Variants in UHRF1 observed in about 807,000 individuals in gnomAD.
UHRF1 encodes the protein ubiquitin like with PHD and ring finger domains 1, also known as E3 ubiquitin-protein ligase UHRF1.
UHRF1 carries 9 observed loss-of-function variants against 96.5 expected under a neutral mutation model. The observed-to-expected ratio is 0.09, with a 90% CI of 0.06 to 0.16. The LOEUF is 0.16. Among genes scored for constraint, UHRF1 ranks in the 10% least tolerant of loss-of-function variants. The probability of loss-of-function intolerance (pLI) is 1.00; values close to 1 mark genes in which losing one functional copy is unlikely to be tolerated. For synonymous variants in UHRF1, 455 were observed against 469.9 expected (o/e 0.97, Z 0.41); for missense variants, 626 against 1,131.1 (o/e 0.55, Z 6.40).
rs538840276 is a variant in UHRF1, at chr19:4,931,992, C to T, written c.570-749C>T. ...TTGTTGCCCAGGCTGGCGTCAATGG[C>T]GCGATCTCGGCTCACCGCAACCTCT... On this transcript the variant is annotated intron_variant, in intron 4 of 16. Transcript: ENST00000650932. Among the ~76,000 whole-genome samples, 13 of 152,242 alleles carry T rather than the reference C, an allele frequency of 8.5e-5. 1 individual carries two copies. Among genetic ancestry groups the T allele is most frequent in the South Asian group, 4.1e-4 (2 of 4,828 alleles).
exon 1 of UHRF1, chr19:4,903,591 C>T (rs573844036): frequency 6.6e-6 from 1 of 151,430 alleles, no homozygotes; most frequent in East Asian, 1.9e-4. Context: ...CAACCTCTGC[C>T]TCCTGGGTTC....
chr19:4,945,375 C>T (rs1413567365), intron 9 of UHRF1, among the ~76,000 whole-genome samples: 2 of 152,170 alleles, frequency 1.3e-5, no homozygotes, highest in African/African-American at 2.4e-5. Flanking sequence ...TCTCCTGCCT[C>T]AGCCTCCCCA....
intron 2 of UHRF1, among the ~76,000 whole-genome samples, chr19:4,926,305 C>G (rs372431116): frequency 6.6e-6 from 1 of 152,166 alleles, no homozygotes; most frequent in Admixed American, 6.6e-5. Flanking sequence ...CCTCTCCATC[C>G]GTGCCACCTC....
chr19:4,954,241 G>C lies in UHRF1; in HGVS notation c.1819-109G>C. The stretch of plus-strand genomic sequence containing the variant: ...CCCTGTGCTCTTCAGGGGGATTGGG[G>C]GTCAGGTGTGTCTGGAAACCCAGAC... On this transcript the variant is annotated intron_variant, in intron 13 of 16. Transcript: ENST00000650932. This position sits in a 1 kb window ranked among gnomAD's most constrained non-coding sequence, Gnocchi z 5.9. 6.6e-7 allele frequency: 1 copy of C among 1,504,826 alleles called. No homozygotes were observed. Among genetic ancestry groups the C allele is most frequent in the Non-Finnish European group, 9.0e-7 (1 of 1,114,612 alleles). 93.2% of individuals were successfully genotyped at this position (1,504,826 alleles called of 1,614,324 possible). A position where few individuals can be genotyped will look rare whatever the true frequency, so the allele number is the denominator to read the frequency against.
At position 4,930,640 on chromosome 19, in the gene UHRF1, T is replaced by C. The variant is rs2033017817; in HGVS notation, c.409-76T>C. The C allele has an allele frequency of 1.3e-6, 2 of 1,523,690 alleles. No individual in the cohort carries two copies. Among genetic ancestry groups the C allele is most frequent in the Admixed American group, 2.0e-5 (1 of 51,200 alleles). The allele number at this position is 1,523,690 out of a possible 1,614,324, so 94.4% of individuals were successfully genotyped here. On this transcript the variant is annotated intron_variant, in intron 3 of 16. Transcript: ENST00000650932. The surrounding 1 kb of genome is among the most constrained non-coding windows in gnomAD (Gnocchi z 4.4). ...GCGCCCTGGTTCCAGAGCATCCCAG[T>C]GTCCGAGAACCAAGGTGGTCTCCCG...
chr19:4,960,853 T>G lies in UHRF1; in HGVS notation c.*50T>G. The stretch of plus-strand genomic sequence containing the variant: ...TTTTGCTGAAAACGTGTCGGAGGGC[T>G]CGTTCATCGGCACTGATTTTGTTCT... On this transcript the variant is annotated 3_prime_UTR_variant, in exon 17 of 17. Transcript: ENST00000650932. The G allele has an allele frequency of 1.9e-6, 2 of 1,043,478 alleles. No homozygotes were observed. The allele number at this position is 1,043,478 out of a possible 1,614,324, so 64.6% of individuals were successfully genotyped here.
Position 4,961,868 on chromosome 19 carries a change from G to A in UHRF1, c.*1065G>A, listed in dbSNP as rs1009960966. The A allele has an allele frequency of 1.6e-5, 2 of 121,314 alleles. No homozygotes were observed. The highest frequency in any genetic ancestry group is 5.2e-5 in the African/African-American group (2 of 38,722). The allele number at this position is 121,314 out of a possible 1,614,324, so 7.5% of individuals were successfully genotyped here. ...GTACCAAGAAAGATATAACGTTAGG[G>A]TTTGGTTGTTTTTGTTTTTGTATTT... is the stretch of plus-strand genomic sequence containing the variant. On this transcript the variant is annotated 3_prime_UTR_variant, in exon 17 of 17. Transcript: ENST00000650932.
chr19:4,909,573 T>G lies in UHRF1; in HGVS notation c.-93T>G. The G allele has an allele frequency of 1.5e-6, 1 of 655,432 alleles. No individual in the cohort carries two copies. Among genetic ancestry groups the G allele is most frequent in the East Asian group, 3.2e-5 (1 of 30,824 alleles). The allele number at this position is 655,432 out of a possible 1,614,324, so 40.6% of individuals were successfully genotyped here. A position where few individuals can be genotyped will look rare whatever the true frequency, so the allele number is the denominator to read the frequency against. On this transcript the variant is annotated 5_prime_UTR_variant, in exon 1 of 17. Transcript: ENST00000650932. ...GGGTCGCACGCAAGTCCGCGCGGGG[T>G]CCGGGCCACGCACGCGGTTTCATCG...
chr19:4,910,894 C>A lies in UHRF1; in HGVS notation c.9C>A (p.Ile3=). Residue 3 remains isoleucine (I), a synonymous_variant, in exon 2 of 17, where the codon ATC becomes ATA. Transcript: ENST00000650932. ...CCCTCAGCGCCGACACCATGTGGATCCAGGTTCGGACCATGGACGGGAGGC... is the reference window on the plus strand; with the variant it reads ...CCCTCAGCGCCGACACCATGTGGATACAGGTTCGGACCATGGACGGGAGGC... MW[I]QVRTMDGRQT... 1 of 1,610,498 alleles carries A rather than the reference C, an allele frequency of 6.2e-7. No homozygotes were observed. The highest frequency in any genetic ancestry group is 8.5e-7 in the Non-Finnish European group (1 of 1,177,756).
chr19:4,939,978 C>T (rs1385919444), intron 5 of UHRF1, among the ~76,000 whole-genome samples: 1 of 147,762 alleles, frequency 6.8e-6, no homozygotes, highest in African/African-American at 2.5e-5. Flanking sequence ...GAGCCGAGAT[C>T]GTGCCACTGC....
At chr19:4,920,928 A>G (rs553285004) in intron 2 of UHRF1, among the ~76,000 whole-genome samples, 142 of 149,830 alleles carry the variant, frequency 9.5e-4, no homozygotes, top group Non-Finnish European at 1.6e-3. Context: ...GATCGAAACC[A>G]TCCTGGCCAA....
At chr19:4,952,089 AT>A (rs1377508296) in intron 13 of UHRF1, among the ~76,000 whole-genome samples, 1 of 151,828 alleles carries the variant, frequency 6.6e-6, no homozygotes, top group Non-Finnish European at 1.5e-5. Context: ...TGGGAGTAGG[AT>A]TTTTTTTGTT....
chr19:4,957,989 A>G (rs1043218402), intron 16 of UHRF1, among the ~76,000 whole-genome samples: 3 of 152,146 alleles, frequency 2.0e-5, no homozygotes, highest in Admixed American at 6.5e-5. Flanking sequence ...TTTTCCTTCC[A>G]ACTGCAGTCC....
chr19:4,908,282 C>T (rs1035818253), upstream of UHRF1, among the ~76,000 whole-genome samples: 12 of 152,098 alleles, frequency 7.9e-5, no homozygotes, highest in African/African-American at 1.9e-4. Context: ...TGATCTGTCT[C>T]CTATATTAGG....
At chr19:4,938,269 C>CT (rs1205922814) in intron 5 of UHRF1, among the ~76,000 whole-genome samples, 1 of 152,014 alleles carries the variant, frequency 6.6e-6, no homozygotes, top group East Asian at 1.9e-4. Flanking sequence ...TCTGGACTAT[C>CT]TGTTTCATCA....
chr19:4,915,780 A>C (rs2032475874), intron 2 of UHRF1, among the ~76,000 whole-genome samples: 1 of 152,196 alleles, frequency 6.6e-6, no homozygotes, highest in African/African-American at 2.4e-5. Flanking sequence ...CCGTGGACAT[A>C]GTTGGTCAAT....
In UHRF1 at chr19:4,954,455, A is replaced by G; in HGVS notation, c.1924A>G (p.Thr642Ala). Residue 642 changes from threonine (T) to alanine (A), a missense_variant, in exon 14 of 17, where the codon ACG (threonine) becomes GCG (alanine). By Grantham distance (58) the Thr-to-Ala change is moderately conservative (BLOSUM62 0). Coordinates refer to ENST00000650932, the MANE Select transcript of UHRF1 (RefSeq NM_001048201.3). This position sits in a 1 kb window ranked among gnomAD's most constrained non-coding sequence, Gnocchi z 5.9. ...QQEGGFASPR[T>A]GKGKWKRKSA... ...GGAGGGGGGCTTCGCGTCCCCCAGG[A>G]CGGGCAAGGGCAAGTGGAAGCGGAA... 19 of 1,612,798 alleles carry G rather than the reference A, an allele frequency of 1.2e-5. No individual in the cohort carries two copies. Among genetic ancestry groups the G allele is most frequent in the Non-Finnish European group, 1.6e-5 (19 of 1,179,102 alleles).
chr19:4,931,875 C>T (rs939271202), intron 4 of UHRF1, among the ~76,000 whole-genome samples: 2 of 152,228 alleles, frequency 1.3e-5, no homozygotes, highest in African/African-American at 4.8e-5. Context: ...ATTCTCCTGC[C>T]TCAGCCTCCC....
At chr19:4,924,370 T>C (rs2032800522) in intron 2 of UHRF1, among the ~76,000 whole-genome samples, 1 of 152,114 alleles carries the variant, frequency 6.6e-6, no homozygotes, top group South Asian at 2.1e-4. Flanking sequence ...AGGATGGTCT[T>C]GATCTCCTGA....
Sources: gnomAD v4.1 joint callset for allele counts (sites outside exome capture counted in the v4.1 genomes callset) on GRCh38, gnomAD v4.1.1 for gene constraint, Gnocchi (gnomAD v3.1) non-coding constraint, MANE v1.5 for transcripts, NCBI Gene and HGNC (gene_info 2026-07-23, HGNC 2026-07-21) for gene names.